Variants in ARPP21 observed in about 807,000 individuals in gnomAD.
ARPP21 encodes cAMP-regulated phosphoprotein 21.
ARPP21 carries 69 observed loss-of-function variants against 113.2 expected under a neutral mutation model. The ratio of observed to expected loss-of-function variants is 0.61; its 90% CI spans 0.50 to 0.74. The LOEUF (loss-of-function observed/expected upper bound fraction) is 0.74, where lower values mean the gene tolerates loss of function less well. Ranked by LOEUF, ARPP21 falls within the 30% of genes least tolerant of loss-of-function variation. The probability of loss-of-function intolerance (pLI) is 0.00; values close to 1 mark genes in which losing one functional copy is unlikely to be tolerated. For synonymous variants in ARPP21, 368 were observed against 375.5 expected (o/e 0.98, Z 0.23); for missense variants, 1,070 against 1,037.4 (o/e 1.03, Z -0.43).
chr3:35,661,729 G>C (rs926388961), intron 1 of ARPP21, among the ~76,000 whole-genome samples: 2 of 152,188 alleles, frequency 1.3e-5, no homozygotes, highest in Non-Finnish European at 2.9e-5. Context: ...TTCCTGGAGA[G>C]AGAATGAGGC....
intron 18 of ARPP21, among the ~76,000 whole-genome samples, chr3:35,741,425 A>G (rs1203945876): frequency 6.6e-6 from 1 of 152,202 alleles, no homozygotes. Flanking sequence ...TTACCCAACT[A>G]TGGAACAATG....
chr3:35,742,438 G>T (rs571638560), intron 18 of ARPP21, among the ~76,000 whole-genome samples: 1 of 152,164 alleles, frequency 6.6e-6, no homozygotes, highest in Non-Finnish European at 1.5e-5. Context: ...ACAAAAAAGA[G>T]AGAAGTAGTA....
At chr3:35,740,063 G>A (rs921038441) in intron 18 of ARPP21, among the ~76,000 whole-genome samples, 6 of 152,208 alleles carry the variant, frequency 3.9e-5, no homozygotes, top group Non-Finnish European at 5.9e-5. Flanking sequence ...AAAGGAGGAA[G>A]GTAAGCTGAT....
In ARPP21 at chr3:35,690,898, G is replaced by A. The variant is rs150267871; in HGVS notation, c.579G>A (p.Ser193=). 1.2e-5 allele frequency: 20 copies of A among 1,609,948 alleles called. No individual in the cohort carries two copies. Among genetic ancestry groups the A allele is most frequent in the African/African-American group, 2.7e-5 (2 of 74,552 alleles). ...NHYKKFPQMS[S]YQRMLVHRVA... The stretch of plus-strand genomic sequence containing the variant: ...ATAAAAAGTTCCCTCAGATGTCATC[G>A]TATCAGAGGATGCTTGTCCATCGAG... Residue 193 remains serine (S), a synonymous_variant, in exon 9 of 21, where the codon TCG becomes TCA. Transcript: ENST00000684406.
Position 35,729,293 on chromosome 3 carries a change from C to T in ARPP21, c.1226-10C>T. 6.3e-7 allele frequency: 1 copy of T among 1,597,366 alleles called. No homozygotes were observed. The highest frequency in any genetic ancestry group is 8.6e-7 in the Non-Finnish European group (1 of 1,165,008). Reference sequence around the variant, plus strand: ...TGTTCAATGATTTGTTGATTGTATCCCTATGCCAGGTTCCGAGTCTTCCAG... The same window carrying T: ...TGTTCAATGATTTGTTGATTGTATCTCTATGCCAGGTTCCGAGTCTTCCAG... On this transcript the variant is annotated splice_polypyrimidine_tract_variant and intron_variant, in intron 14 of 20. Transcript: ENST00000684406.
At chr3:35,653,457 A>T (rs773535565) in intron 1 of ARPP21, among the ~76,000 whole-genome samples, 1 of 152,002 alleles carries the variant, frequency 6.6e-6, no homozygotes, top group African/African-American at 2.4e-5. Context: ...TAATTTTTGA[A>T]ACTGCCGCAA....
chr3:35,792,603 C>A, intron 20 of ARPP21, 73 bp downstream of exon 20: 1 of 1,470,038 alleles, frequency 6.8e-7, no homozygotes, highest in Non-Finnish European at 9.5e-7. Flanking sequence ...TGGGTCTGTC[C>A]CTGGTTTGGG....
In ARPP21 at chr3:35,781,961, C is replaced by A. The variant is rs540673961; in HGVS notation, c.2138-10421C>A. 2.6e-5 allele frequency among the ~76,000 whole-genome samples: 4 copies of A among 152,132 alleles called. No individual in the cohort carries two copies. The South Asian group carries it at 8.3e-4, about 32-fold the overall frequency. ...ATACATTAGATAACCTAGAACTAAT[C>A]AATTGCTGTTGAGCTGTAATGAAAT... On this transcript the variant is annotated intron_variant, in intron 19 of 20. Transcript: ENST00000684406.
intron 1 of ARPP21, among the ~76,000 whole-genome samples, chr3:35,664,962 C>G (rs1290694943): frequency 6.6e-6 from 1 of 152,114 alleles, no homozygotes; most frequent in Non-Finnish European, 1.5e-5. Flanking sequence ...TGTGTGTAAC[C>G]TAATTCAAGT....
intron 1 of ARPP21, among the ~76,000 whole-genome samples, chr3:35,652,766 T>A (rs1245469804): frequency 6.6e-6 from 1 of 150,624 alleles, no homozygotes; most frequent in African/African-American, 2.5e-5. Context: ...GATGTTTTTC[T>A]GAACTTGTTA....
chr3:35,763,757 A>G (rs916528115), intron 19 of ARPP21, among the ~76,000 whole-genome samples: 2 of 152,188 alleles, frequency 1.3e-5, no homozygotes, highest in African/African-American at 4.8e-5. Flanking sequence ...TATAGAAACC[A>G]TGTGTTAAAT....
chr3:35,755,921 T>C (rs971945855), intron 19 of ARPP21, among the ~76,000 whole-genome samples: 1 of 152,098 alleles, frequency 6.6e-6, no homozygotes, highest in African/African-American at 2.4e-5. Context: ...AGTTTGCAAA[T>C]TGCTGAACTT....
chr3:35,787,356 A>G (rs1453583560), intron 19 of ARPP21, among the ~76,000 whole-genome samples: 1 of 152,212 alleles, frequency 6.6e-6, no homozygotes, highest in Non-Finnish European at 1.5e-5. Context: ...ACATTTCAAG[A>G]TTTTAAGATT....
intron 15 of ARPP21, among the ~76,000 whole-genome samples, chr3:35,735,401 C>T (rs952211433): frequency 1.3e-5 from 2 of 152,172 alleles, no homozygotes; most frequent in Non-Finnish European, 2.9e-5. Context: ...GCATGAGCCA[C>T]CATGCCTGTC....
chr3:35,789,932 A>G (rs1283928736), intron 19 of ARPP21, among the ~76,000 whole-genome samples: 1 of 152,178 alleles, frequency 6.6e-6, no homozygotes, highest in East Asian at 1.9e-4. Context: ...AGGCCACCTA[A>G]TTTATTTTCA....
intron 19 of ARPP21, among the ~76,000 whole-genome samples, chr3:35,775,280 G>A (rs1281296738): frequency 6.6e-6 from 1 of 152,106 alleles, no homozygotes; most frequent in Non-Finnish European, 1.5e-5. Flanking sequence ...ATTGGTTAAA[G>A]ACAAAGAAAA....
intron 19 of ARPP21, among the ~76,000 whole-genome samples, chr3:35,777,975 T>C (rs1309311249): frequency 6.6e-6 from 1 of 152,202 alleles, no homozygotes; most frequent in Non-Finnish European, 1.5e-5. Context: ...TAATATCTAA[T>C]GACATATAAA....
At chr3:35,687,507 C>G (rs762837688) in intron 5 of ARPP21, among the ~76,000 whole-genome samples, 20 of 151,116 alleles carry the variant, frequency 1.3e-4, no homozygotes, top group South Asian at 4.2e-4. Flanking sequence ...GGTTAATATT[C>G]ATAAGGCAAA....
intron 1 of ARPP21, among the ~76,000 whole-genome samples, chr3:35,644,619 A>G (rs925430858): frequency 4.6e-5 from 7 of 151,938 alleles, no homozygotes; most frequent in African/African-American, 1.7e-4. Context: ...AGAAATAGCT[A>G]TGCAGCAAAC....
Sources: allele counts gnomAD v4.1 joint callset (sites outside exome capture counted in the v4.1 genomes callset), GRCh38; gene constraint gnomAD v4.1.1; transcripts MANE v1.5; gene names NCBI Gene and HGNC (gene_info 2026-07-23, HGNC 2026-07-21).